Variants in SYBU observed in about 807,000 individuals in gnomAD.
The protein encoded by SYBU is syntabulin, also known as GOLSYN A protein.
Under a neutral mutation model 35.9 loss-of-function variants are expected in SYBU, and 21 were observed. The ratio of observed to expected loss-of-function variants is 0.58; its 90% CI spans 0.41 to 0.84. SYBU has a LOEUF of 0.84. Ranked by LOEUF, SYBU falls within the 40% of genes least tolerant of loss-of-function variation. SYBU has a pLI of 0.00. For synonymous variants in SYBU, 319 were observed against 324.3 expected, an observed-to-expected ratio of 0.98 and a Z score of 0.18; for missense variants, 768 against 848.2, an observed-to-expected ratio of 0.91 and a Z score of 1.17.
intron 3 of SYBU, among the ~76,000 whole-genome samples, chr8:109,610,887 G>A (rs1313755209): frequency 6.6e-6 from 1 of 152,106 alleles, no homozygotes; most frequent in Non-Finnish European, 1.5e-5. Flanking sequence ...CAGGATGCAG[G>A]AATGGCCCCA....
At chr8:109,646,478 G>T (rs1229858749), upstream of SYBU, 4 of 152,158 alleles carry the variant, frequency 2.6e-5, no homozygotes, top group Non-Finnish European at 2.9e-5. Flanking sequence ...AATCTACTTA[G>T]CTCTCTCAAG....
chr8:109,610,592 T>C (rs1157513234), intron 3 of SYBU, among the ~76,000 whole-genome samples: 1 of 152,238 alleles, frequency 6.6e-6, no homozygotes, highest in Non-Finnish European at 1.5e-5. Context: ...ATAGCTTACT[T>C]GGCTGCTCTT....
At chr8:109,669,219 G>A (rs1384963754) in intron 1 of SYBU, among the ~76,000 whole-genome samples, 1 of 151,986 alleles carries the variant, frequency 6.6e-6, no homozygotes, top group Non-Finnish European at 1.5e-5. Context: ...GCAGGCACCT[G>A]TAGTCCCAGC....
At chr8:109,612,645 C>T (rs550171493) in intron 3 of SYBU, among the ~76,000 whole-genome samples, 7 of 152,296 alleles carry the variant, frequency 4.6e-5, no homozygotes, top group African/African-American at 1.4e-4. Context: ...CTGCACTAAG[C>T]GCTACAAGTG....
intron 3 of SYBU, among the ~76,000 whole-genome samples, chr8:109,598,823 T>C (rs559691979): frequency 1.3e-5 from 2 of 152,368 alleles, no homozygotes; most frequent in South Asian, 4.1e-4. Flanking sequence ...TCAAAGTGCC[T>C]TACAGGCATT....
intron 3 of SYBU, among the ~76,000 whole-genome samples, chr8:109,616,813 G>A (rs1365643330): frequency 6.6e-6 from 1 of 151,220 alleles, no homozygotes; most frequent in Non-Finnish European, 1.5e-5. Flanking sequence ...AGTCTCTAAT[G>A]TGCACTAGAG....
At chr8:109,684,403 T>C (rs1817472419), upstream of SYBU, among the ~76,000 whole-genome samples, 2 of 152,344 alleles carry the variant, frequency 1.3e-5, no homozygotes, top group Middle Eastern at 3.4e-3. Flanking sequence ...AGCTGAATAA[T>C]AGATGCTGGA....
intron 4 of SYBU, 70 bp downstream of exon 4, chr8:109,585,990 A>G (rs750350136): frequency 1.1e-5 from 11 of 1,041,624 alleles, no homozygotes; most frequent in Admixed American, 2.3e-5. Flanking sequence ...GGGTGGTTCT[A>G]CAGATGCACA....
intron 5 of SYBU, among the ~76,000 whole-genome samples, chr8:109,578,726 G>A (rs912511947): frequency 4.6e-5 from 7 of 152,198 alleles, no homozygotes; most frequent in African/African-American, 1.4e-4. Context: ...CACAGTGGGT[G>A]AGGGTCAGGG....
intron 3 of SYBU, among the ~76,000 whole-genome samples, chr8:109,591,721 C>G (rs555182222): frequency 2.2e-4 from 33 of 151,416 alleles, no homozygotes; most frequent in African/African-American, 7.0e-4. Context: ...ACCGTGTTAG[C>G]CAGGATGGTC....
intron 3 of SYBU, among the ~76,000 whole-genome samples, chr8:109,613,800 G>A (rs1811450780): frequency 1.3e-5 from 2 of 152,214 alleles, no homozygotes; most frequent in South Asian, 4.1e-4. Context: ...AATCAGTGTT[G>A]ATTAACCACT....
rs1823362840 is a variant in SYBU, at chr8:109,584,179, T to G, written c.530+1881A>C. Among the ~76,000 whole-genome samples, 2 of 152,170 alleles carry G rather than the reference T, an allele frequency of 1.3e-5. No homozygotes were observed. The highest frequency in any genetic ancestry group is 6.5e-5 in the Admixed American group (1 of 15,282). ...CTGCCATTTTCAATTTTCCATCTAT[T>G]AATTTTTGTTAAACCTTTGAAGTCT... On this transcript the variant is annotated intron_variant, in intron 4 of 6. Transcript: ENST00000276646. This position sits in a 1 kb window ranked among gnomAD's most constrained non-coding sequence, Gnocchi z 4.0.
chr8:109,586,963 G>GT (rs1366442942), intron 3 of SYBU, among the ~76,000 whole-genome samples: 80 of 152,246 alleles, frequency 5.3e-4, no homozygotes, highest in Admixed American at 1.6e-3. Flanking sequence ...AAAATATGTA[G>GT]TTCTGAAAGA....
intron 1 of SYBU, among the ~76,000 whole-genome samples, chr8:109,672,259 A>G (rs1057083409): frequency 9.2e-6 from 1 of 109,254 alleles, no homozygotes; most frequent in African/African-American, 3.5e-5. Flanking sequence ...GAATAGGAAC[A>G]GCTCCGGTCT....
chr8:109,633,152 T>C (rs1002266929), intron 2 of SYBU, among the ~76,000 whole-genome samples: 13 of 152,156 alleles, frequency 8.5e-5, no homozygotes, highest in Admixed American at 8.5e-4. Context: ...AATTTAAAAA[T>C]AAAAATATAA....
intron 1 of SYBU, among the ~76,000 whole-genome samples, chr8:109,668,165 G>GGAGACAGAGAAAGGGGAGAGAGAGA (rs1816828568): frequency 1.1e-5 from 1 of 88,990 alleles, no homozygotes; most frequent in Non-Finnish European, 2.0e-5. Flanking sequence ...GGGGAGAGGG[G>GGAGACAGAGAAAGGGGAGAGAGAGA]GAGAGAGAGA....
intron 3 of SYBU, among the ~76,000 whole-genome samples, chr8:109,599,816 C>A (rs921363084): frequency 6.6e-6 from 1 of 152,122 alleles, no homozygotes; most frequent in African/African-American, 2.4e-5. Context: ...ATTTACAAAC[C>A]CTCCATAATC....
chr8:109,614,294 C>T (rs1811498649), intron 3 of SYBU, among the ~76,000 whole-genome samples: 1 of 152,176 alleles, frequency 6.6e-6, no homozygotes, highest in Admixed American at 6.5e-5. Flanking sequence ...TTAAATGAGG[C>T]CCAGCACTGT....
chr8:109,689,997 T>G (rs540008941), intron 1 of SYBU, among the ~76,000 whole-genome samples: 43 of 152,272 alleles, frequency 2.8e-4, no homozygotes, highest in Middle Eastern at 3.4e-3. Context: ...TCAGCATTTA[T>G]GAATGCATAC....
Sources: gnomAD v4.1 joint callset for allele counts (sites outside exome capture counted in the v4.1 genomes callset) on GRCh38, gnomAD v4.1.1 for gene constraint, Gnocchi (gnomAD v3.1) non-coding constraint, MANE v1.5 for transcripts, NCBI Gene and HGNC (gene_info 2026-07-23, HGNC 2026-07-21) for gene names.